Variants in GULP1 observed in about 807,000 individuals in gnomAD.
The protein encoded by GULP1 is GULP PTB domain containing engulfment adaptor 1.
Under a neutral mutation model 40.9 loss-of-function variants are expected in GULP1, and 19 were observed. The ratio of observed to expected loss-of-function variants is 0.46; its 90% CI spans 0.32 to 0.68. The LOEUF (loss-of-function observed/expected upper bound fraction) is 0.68. GULP1 is among the 30% of genes least tolerant of loss of function. GULP1 has a pLI of 0.03. For synonymous variants in GULP1, 119 were observed against 117.6 expected, an observed-to-expected ratio of 1.01 and a Z score of -0.08; for missense variants, 312 against 362.2, an observed-to-expected ratio of 0.86 and a Z score of 1.12.
intron 4 of GULP1, among the ~76,000 whole-genome samples, chr2:188,492,549 A>G (rs1210388574): frequency 1.3e-5 from 2 of 152,060 alleles, no homozygotes; most frequent in African/African-American, 2.4e-5. Flanking sequence ...AGATTGGACT[A>G]TTTATACGTC....
chr2:188,535,368 A>G (rs1396112009), intron 6 of GULP1, among the ~76,000 whole-genome samples: 1 of 151,988 alleles, frequency 6.6e-6, no homozygotes, highest in Non-Finnish European at 1.5e-5. Flanking sequence ...AAAGTTACCC[A>G]GTGTCTATTA....
intron 1 of GULP1, among the ~76,000 whole-genome samples, chr2:188,303,371 G>A (rs1440523776): frequency 6.6e-6 from 1 of 152,158 alleles, no homozygotes; most frequent in Non-Finnish European, 1.5e-5. Flanking sequence ...AGGAGGTGGA[G>A]GCAAGCAGAA....
intron 3 of GULP1, among the ~76,000 whole-genome samples, chr2:188,482,084 A>C (rs1213629062): frequency 3.3e-5 from 5 of 151,894 alleles, no homozygotes; most frequent in Admixed American, 3.3e-4. Context: ...AAGTATGGCT[A>C]TCATATATTC....
intron 4 of GULP1, among the ~76,000 whole-genome samples, chr2:188,485,657 A>C (rs2153072172): frequency 6.6e-6 from 1 of 151,990 alleles, no homozygotes; most frequent in South Asian, 2.1e-4. Flanking sequence ...TTATATCATG[A>C]CTCCAACACT....
chr2:188,443,574 A>G (rs2152878962), intron 2 of GULP1, among the ~76,000 whole-genome samples: 1 of 152,366 alleles, frequency 6.6e-6, no homozygotes, highest in South Asian at 2.1e-4. Flanking sequence ...ACAGTATTTT[A>G]TCAGTTTATA....
At chr2:188,586,982 A>C (rs893562789) in intron 10 of GULP1, among the ~76,000 whole-genome samples, 11 of 152,036 alleles carry the variant, frequency 7.2e-5, no homozygotes, top group African/African-American at 2.7e-4. Flanking sequence ...AATTTAGAGA[A>C]TGTAAAGTTC....
At chr2:188,451,643 G>A (rs1160177168) in intron 2 of GULP1, among the ~76,000 whole-genome samples, 2 of 151,858 alleles carry the variant, frequency 1.3e-5, no homozygotes, top group Non-Finnish European at 2.9e-5. Flanking sequence ...CAATATTAAT[G>A]TCAAAATTGA....
At chr2:188,402,853 C>T (rs995270018) in intron 2 of GULP1, among the ~76,000 whole-genome samples, 3 of 152,108 alleles carry the variant, frequency 2.0e-5, no homozygotes, top group African/African-American at 7.2e-5. Context: ...ATGTCAGGCA[C>T]TGTCCTAAGC....
intron 2 of GULP1, among the ~76,000 whole-genome samples, chr2:188,444,096 A>G (rs761616381): frequency 1.3e-5 from 2 of 152,072 alleles, no homozygotes; most frequent in African/African-American, 2.4e-5. Flanking sequence ...ATCCCAGACT[A>G]TTACATACAC....
chr2:188,421,684 AG>A (rs1405215475), intron 2 of GULP1, among the ~76,000 whole-genome samples: 1 of 152,156 alleles, frequency 6.6e-6, no homozygotes, highest in Non-Finnish European at 1.5e-5. Flanking sequence ...ATAATATGAT[AG>A]ATTATATAGA....
intron 2 of GULP1, among the ~76,000 whole-genome samples, chr2:188,390,524 G>A (rs7559636): frequency 0.77 from 117,299 of 152,088 alleles, 46,056 homozygotes; most frequent in East Asian, 0.95. Context: ...GTCCATTGTC[G>A]GATGCATAGT....
intron 7 of GULP1, among the ~76,000 whole-genome samples, chr2:188,559,933 T>G (rs1695815870): frequency 6.6e-6 from 1 of 152,192 alleles, no homozygotes; most frequent in African/African-American, 2.4e-5. Flanking sequence ...ATCTTCCTCA[T>G]TTTGTCTGGT....
At chr2:188,503,453 A>G (rs1322090539) in intron 4 of GULP1, among the ~76,000 whole-genome samples, 2 of 151,822 alleles carry the variant, frequency 1.3e-5, no homozygotes, top group African/African-American at 2.4e-5. Context: ...CCAAACCATC[A>G]GATCTCACAA....
chr2:188,330,650 A>G (rs1407496778), intron 1 of GULP1, among the ~76,000 whole-genome samples: 1 of 152,250 alleles, frequency 6.6e-6, no homozygotes, highest in African/African-American at 2.4e-5. Context: ...TTGCAATAGT[A>G]AAGAAATCTT....
intron 1 of GULP1, among the ~76,000 whole-genome samples, chr2:188,351,384 G>A (rs915015285): frequency 6.6e-6 from 1 of 151,996 alleles, no homozygotes; most frequent in African/African-American, 2.4e-5. Context: ...TTAAAATAAC[G>A]CTTCTGACTT....
chr2:188,388,918 TAA>T (rs920116321), intron 2 of GULP1, among the ~76,000 whole-genome samples: 4 of 152,208 alleles, frequency 2.6e-5, no homozygotes, highest in African/African-American at 7.2e-5. Context: ...CCAAAAACAT[TAA>T]GTCTGATCAA....
Position 188,595,438 on chromosome 2 carries a change from T to G in GULP1, c.*1427T>G, listed in dbSNP as rs914890727. On this transcript the variant is annotated 3_prime_UTR_variant, in exon 12 of 12. Coordinates refer to ENST00000409830, the MANE Select transcript of GULP1 (RefSeq NM_016315.4). ...TATATATTTGTGTGTTTTTCCTTAA[T>G]GTTATATGGTATATATGAGCCTTCT... 1 of 152,180 alleles carries G rather than the reference T, an allele frequency of 6.6e-6. No individual in the cohort carries two copies. Among genetic ancestry groups the G allele is most frequent in the Non-Finnish European group, 1.5e-5 (1 of 67,732 alleles). 9.4% of individuals were successfully genotyped at this position (152,180 alleles called of 1,614,324 possible). A position where few individuals can be genotyped will look rare whatever the true frequency, so the allele number is the denominator to read the frequency against.
chr2:188,401,316 G>A (rs182826338), intron 2 of GULP1, among the ~76,000 whole-genome samples: 10 of 152,152 alleles, frequency 6.6e-5, no homozygotes, highest in Admixed American at 5.2e-4. Context: ...GTAAGATCTC[G>A]ATACTATATA....
At chr2:188,309,190 G>A (rs987707143) in intron 1 of GULP1, among the ~76,000 whole-genome samples, 3 of 152,184 alleles carry the variant, frequency 2.0e-5, no homozygotes, top group African/African-American at 7.2e-5. Context: ...AATTGGCTAG[G>A]CTTGGTGGCT....
Sources: gnomAD v4.1 joint callset for allele counts (sites outside exome capture counted in the v4.1 genomes callset) on GRCh38, gnomAD v4.1.1 for gene constraint, MANE v1.5 for transcripts, NCBI Gene and HGNC (gene_info 2026-07-23, HGNC 2026-07-21) for gene names.